EYS: variants seen among roughly 807,000 people sequenced by gnomAD.
EYS encodes the protein protein eyes shut homolog.
EYS carries 250 observed loss-of-function variants against 282.1 expected under a neutral mutation model. The observed-to-expected ratio is 0.89, with a 90% CI of 0.80 to 0.98. The LOEUF (loss-of-function observed/expected upper bound fraction) is 0.98, where lower values mean the gene tolerates loss of function less well. Among genes scored for constraint, EYS ranks in the 50% least tolerant of loss-of-function variants. EYS has a pLI of 0.00. For synonymous variants in EYS, 1,355 were observed against 1,282.9 expected (o/e 1.06, Z -1.20); for missense variants, 4,016 against 3,709.0 (o/e 1.08, Z -2.15).
intron 41 of EYS, among the ~76,000 whole-genome samples, chr6:63,748,295 C>A (rs764221703): frequency 2.0e-5 from 3 of 152,088 alleles, no homozygotes; most frequent in Non-Finnish European, 4.4e-5. Flanking sequence ...GGTTCCATAT[C>A]TTTGCTATTG....
chr6:63,943,833 T>C (rs1025099036), intron 35 of EYS, among the ~76,000 whole-genome samples: 1 of 152,240 alleles, frequency 6.6e-6, no homozygotes, highest in African/African-American at 2.4e-5. Flanking sequence ...TAGTTTCCTT[T>C]GTTTGTGCAG....
At chr6:65,040,373 A>G (rs1772897799) in intron 13 of EYS, among the ~76,000 whole-genome samples, 1 of 151,594 alleles carries the variant, frequency 6.6e-6, no homozygotes, top group Admixed American at 6.6e-5. Flanking sequence ...CATCACCCCA[A>G]TCACTGCTTT....
At chr6:64,852,460 G>T (rs1463812731) in intron 19 of EYS, among the ~76,000 whole-genome samples, 1 of 152,090 alleles carries the variant, frequency 6.6e-6, no homozygotes, top group East Asian at 1.9e-4. Flanking sequence ...TGACTTCCTT[G>T]CTCCTCAGCT....
intron 5 of EYS, among the ~76,000 whole-genome samples, chr6:65,420,329 G>T: frequency 6.6e-6 from 1 of 151,950 alleles, no homozygotes. Context: ...ACCAGGAGTA[G>T]ATTATATTTG....
intron 12 of EYS, among the ~76,000 whole-genome samples, chr6:65,105,881 T>C (rs954661177): frequency 1.3e-5 from 2 of 151,708 alleles, no homozygotes; most frequent in African/African-American, 2.4e-5. Context: ...AGAGCATAAA[T>C]CTTTACTCAT....
chr6:65,149,418 C>T (rs1581957266), intron 12 of EYS, among the ~76,000 whole-genome samples: 1 of 152,184 alleles, frequency 6.6e-6, no homozygotes, highest in Admixed American at 6.5e-5. Flanking sequence ...GAGACCACCT[C>T]AGACTGGACT....
chr6:64,202,349 T>C (rs944114101), intron 31 of EYS, among the ~76,000 whole-genome samples: 1 of 152,202 alleles, frequency 6.6e-6, no homozygotes, highest in African/African-American at 2.4e-5. Context: ...AGATATGTTC[T>C]CTCTCCTTAG....
At chr6:63,887,921 CA>C (rs1427601491) in intron 35 of EYS, among the ~76,000 whole-genome samples, 7 of 152,198 alleles carry the variant, frequency 4.6e-5, no homozygotes, top group African/African-American at 1.7e-4. Context: ...GCCATCACAG[CA>C]GTCTGAAGTT....
At chr6:64,564,396 G>A (rs1206255097) in intron 26 of EYS, among the ~76,000 whole-genome samples, 1 of 142,500 alleles carries the variant, frequency 7.0e-6, no homozygotes, top group African/African-American at 2.6e-5. Context: ...TCCTGCCTCA[G>A]CCTCCCAAGT....
At chr6:64,257,880 C>G (rs1469050573) in intron 30 of EYS, among the ~76,000 whole-genome samples, 9 of 151,892 alleles carry the variant, frequency 5.9e-5, no homozygotes, top group Non-Finnish European at 1.3e-4. Flanking sequence ...AGGTACATTC[C>G]CAAGACCTTA....
intron 35 of EYS, among the ~76,000 whole-genome samples, chr6:63,903,798 G>C (rs1773711254): frequency 6.6e-6 from 1 of 152,166 alleles, no homozygotes; most frequent in Non-Finnish European, 1.5e-5. Flanking sequence ...GTATCCTCTT[G>C]TGCAGAAATA....
intron 11 of EYS, among the ~76,000 whole-genome samples, chr6:65,316,638 T>TCC (rs1769302332): frequency 6.6e-6 from 1 of 151,336 alleles, no homozygotes; most frequent in Non-Finnish European, 1.5e-5. Flanking sequence ...CTAGCCCCTC[T>TCC]CCCCCTGGCA....
At chr6:64,711,645 A>C (rs936460617) in intron 22 of EYS, among the ~76,000 whole-genome samples, 3 of 152,242 alleles carry the variant, frequency 2.0e-5, no homozygotes, top group Non-Finnish European at 2.9e-5. Context: ...GTAATACAAA[A>C]TATTCATCCA....
intron 5 of EYS, among the ~76,000 whole-genome samples, chr6:65,463,634 T>C (rs759515047): frequency 1.3e-5 from 2 of 152,206 alleles, no homozygotes; most frequent in Non-Finnish European, 2.9e-5. Flanking sequence ...TAATTCATGA[T>C]CAAATATTGC....
At chr6:65,605,045 A>G (rs576339646) in intron 2 of EYS, among the ~76,000 whole-genome samples, 29 of 139,338 alleles carry the variant, frequency 2.1e-4, no homozygotes, top group African/African-American at 7.7e-4. Context: ...GGGTCTCACT[A>G]TTTTTCCCAG....
At chr6:64,914,197 T>G (rs1583289061) in intron 15 of EYS, among the ~76,000 whole-genome samples, 1 of 151,896 alleles carries the variant, frequency 6.6e-6, no homozygotes, top group Non-Finnish European at 1.5e-5. Flanking sequence ...TAAATGCAAA[T>G]AGAGAGATAG....
intron 26 of EYS, among the ~76,000 whole-genome samples, chr6:64,560,852 T>A (rs61509839): frequency 0.03 from 4,620 of 152,176 alleles, 156 homozygotes; most frequent in East Asian, 0.11. Context: ...GTCTGAGACG[T>A]ATAAGAAATA....
At chr6:64,120,544 C>A (rs903187068) in intron 31 of EYS, among the ~76,000 whole-genome samples, 1 of 151,698 alleles carries the variant, frequency 6.6e-6, no homozygotes, top group African/African-American at 2.4e-5. Context: ...GATCAAAATT[C>A]TTTAGATTTG....
intron 13 of EYS, among the ~76,000 whole-genome samples, chr6:65,030,773 C>T (rs765026539): frequency 3.3e-5 from 5 of 152,102 alleles, no homozygotes; most frequent in Non-Finnish European, 7.4e-5. Flanking sequence ...CAACAAACAA[C>T]AAAATGACAG....
Sources: allele counts gnomAD v4.1 joint callset (sites outside exome capture counted in the v4.1 genomes callset), GRCh38; gene constraint gnomAD v4.1.1; transcripts MANE v1.5; gene names NCBI Gene and HGNC (gene_info 2026-07-23, HGNC 2026-07-21).